COBL: variants seen among roughly 807,000 people sequenced by gnomAD.
The protein encoded by COBL is protein cordon-bleu.
Under a neutral mutation model 98.8 loss-of-function variants are expected in COBL, and 51 were observed. The observed-to-expected ratio is 0.52, with a 90% CI of 0.41 to 0.65. COBL has a LOEUF of 0.65. Among genes scored for constraint, COBL ranks in the 30% least tolerant of loss-of-function variants. The pLI is 0.00. For missense variants in COBL, 1,617 were observed against 1,617.5 expected, an observed-to-expected ratio of 1.00 and a Z score of 0.01; for synonymous variants, 634 against 651.7, an observed-to-expected ratio of 0.97 and a Z score of 0.41.
chr7:51,237,150 A>G (rs570132459), intron 1 of COBL, among the ~76,000 whole-genome samples: 1 of 152,316 alleles, frequency 6.6e-6, no homozygotes, highest in East Asian at 1.9e-4. Context: ...CATGAGTTCA[A>G]TGGTACCCCT....
intron 1 of COBL, among the ~76,000 whole-genome samples, chr7:51,248,296 A>G (rs1003114472): frequency 8.5e-5 from 13 of 152,238 alleles, no homozygotes; most frequent in Non-Finnish European, 7.3e-5. Flanking sequence ...TTGATTTAGA[A>G]TATGAAATAA....
rs115751317 is a variant in COBL, at chr7:51,221,037, A to G, written c.42-1093T>C. The stretch of plus-strand genomic sequence containing the variant: ...AGTACTTACTCGATACTTAACATCC[A>G]CTAGGACCTATGCTAATAATAACCT... On this transcript the variant is annotated intron_variant, in intron 1 of 12. Transcript: ENST00000265136. Among the ~76,000 whole-genome samples, 1,137 of 152,280 alleles carry G rather than the reference A, an allele frequency of 7.5e-3. 12 individuals carry two copies. The highest frequency in any genetic ancestry group is 0.026 in the African/African-American group (1,093 of 41,534).
chr7:51,024,084 CGGATCATGA>C, intron 12 of COBL, among the ~76,000 whole-genome samples: 1 of 152,128 alleles, frequency 6.6e-6, no homozygotes, highest in Admixed American at 6.5e-5. Flanking sequence ...CCGAGACAGG[CGGATCATGA>C]GGTCAGGAGA....
intron 8 of COBL, among the ~76,000 whole-genome samples, chr7:51,041,803 T>C (rs1789226411): frequency 2.0e-5 from 3 of 152,174 alleles, no homozygotes; most frequent in African/African-American, 7.2e-5. Context: ...TTATTTCTGT[T>C]AACATTTCCA....
intron 6 of COBL, among the ~76,000 whole-genome samples, chr7:51,109,333 C>G (rs958604088): frequency 6.6e-6 from 1 of 152,194 alleles, no homozygotes; most frequent in Non-Finnish European, 1.5e-5. Context: ...ACTGCCAGTG[C>G]GGTTCCTGTA....
At chr7:51,025,444 C>A (rs1193837309) in intron 11 of COBL, 72 bp from the exon 12 acceptor site, 3 of 1,520,542 alleles carry the variant, frequency 2.0e-6, no homozygotes, top group Non-Finnish European at 2.7e-6. Flanking sequence ...AATCCCAACG[C>A]CCAAGGTAGT....
At chr7:51,241,277 TACTA>T (rs1300757344) in intron 1 of COBL, among the ~76,000 whole-genome samples, 16 of 152,248 alleles carry the variant, frequency 1.1e-4, no homozygotes, top group African/African-American at 2.4e-4. Flanking sequence ...AACATTCTTT[TACTA>T]ACTGATACTT....
At chr7:51,151,218 T>C (rs899844501) in intron 5 of COBL, among the ~76,000 whole-genome samples, 3 of 152,224 alleles carry the variant, frequency 2.0e-5, no homozygotes, top group East Asian at 3.8e-4. Flanking sequence ...GATGCACTGA[T>C]TTATGTTCAA....
intron 1 of COBL, among the ~76,000 whole-genome samples, chr7:51,242,779 C>T (rs1047010211): frequency 6.6e-5 from 10 of 152,178 alleles, no homozygotes; most frequent in Admixed American, 5.2e-4. Context: ...GAGCTGAACC[C>T]GACTCCTGGG....
At chr7:51,079,738 C>G (rs995969031) in intron 7 of COBL, among the ~76,000 whole-genome samples, 13 of 152,212 alleles carry the variant, frequency 8.5e-5, no homozygotes, top group Admixed American at 8.5e-4. Context: ...TCAGAGCAAT[C>G]TGCACATGGG....
chr7:51,118,633 G>A lies in COBL; in HGVS notation c.957+17525C>T, dbSNP rs967683056. ...GATGTGAATCACTGGGGGGGAGAGGGGGAGGGGTGTCACATTAGGGTGTGT... is the reference window on the plus strand; with the variant it reads ...GATGTGAATCACTGGGGGGGAGAGGAGGAGGGGTGTCACATTAGGGTGTGT... On this transcript the variant is annotated intron_variant, in intron 6 of 12. Coordinates refer to ENST00000265136, the MANE Select transcript of COBL (RefSeq NM_015198.5). Among the ~76,000 whole-genome samples, 9 of 152,016 alleles carry A rather than the reference G, an allele frequency of 5.9e-5. No individual in the cohort carries two copies. The South Asian group carries it at 1.7e-3, about 28-fold the overall frequency.
chr7:51,124,786 G>C (rs1306749773), intron 6 of COBL, among the ~76,000 whole-genome samples: 1 of 151,982 alleles, frequency 6.6e-6, no homozygotes, highest in Non-Finnish European at 1.5e-5. Flanking sequence ...GTTATGATCT[G>C]AATTTGTTTC....
intron 2 of COBL, among the ~76,000 whole-genome samples, chr7:51,211,521 G>T (rs2129077580): frequency 6.6e-6 from 1 of 152,360 alleles, no homozygotes; most frequent in Middle Eastern, 3.4e-3. Flanking sequence ...AAATAAATGA[G>T]TTAATTTGCT....
chr7:51,177,199 G>A (rs1361318267), intron 5 of COBL, among the ~76,000 whole-genome samples: 1 of 152,138 alleles, frequency 6.6e-6, no homozygotes, highest in Non-Finnish European at 1.5e-5. Flanking sequence ...CAAGAGCTGT[G>A]GGGCAGAGCT....
chr7:51,149,399 A>T (rs1264774568), intron 5 of COBL, among the ~76,000 whole-genome samples: 3 of 152,114 alleles, frequency 2.0e-5, no homozygotes, highest in African/African-American at 7.2e-5. Context: ...ACCTATCTTC[A>T]CACTACAAGC....
intron 1 of COBL, among the ~76,000 whole-genome samples, chr7:51,263,325 C>T (rs192091947): frequency 6.6e-6 from 1 of 152,242 alleles, no homozygotes; most frequent in East Asian, 1.9e-4. Context: ...TGCACTCCCA[C>T]GTGTGAGAAG....
intron 6 of COBL, among the ~76,000 whole-genome samples, chr7:51,129,303 C>T (rs151054550): frequency 1.9e-3 from 282 of 151,708 alleles, no homozygotes; most frequent in African/African-American, 6.5e-3. Flanking sequence ...TCTTGCTTTG[C>T]GCTCACATGG....
At chr7:51,090,456 G>C (rs1457488142) in intron 6 of COBL, among the ~76,000 whole-genome samples, 3 of 152,210 alleles carry the variant, frequency 2.0e-5, no homozygotes, top group Non-Finnish European at 4.4e-5. Flanking sequence ...CTTTTCCCTT[G>C]GGAAGAAAAG....
intron 12 of COBL, among the ~76,000 whole-genome samples, chr7:51,024,287 C>T (rs958759962): frequency 1.3e-5 from 2 of 151,466 alleles, no homozygotes; most frequent in Non-Finnish European, 2.9e-5. Context: ...CCAACCTGGG[C>T]GACAGAGTGA....
Sources: allele counts gnomAD v4.1 joint callset (sites outside exome capture counted in the v4.1 genomes callset), GRCh38; gene constraint gnomAD v4.1.1; transcripts MANE v1.5; gene names NCBI Gene and HGNC (gene_info 2026-07-23, HGNC 2026-07-21).